The following WDPCP variants were observed in gnomAD, a reference collection of about 807,000 sequenced individuals.
WDPCP encodes the protein WD repeat-containing and planar cell polarity effector protein fritz homolog.
WDPCP carries 71 observed loss-of-function variants against 93.1 expected under a neutral mutation model. That is an observed-to-expected ratio of 0.76 (90% confidence interval 0.63 to 0.93). The LOEUF is 0.93. Among genes scored for constraint, WDPCP ranks in the 40% least tolerant of loss-of-function variants. The pLI is 0.00. For synonymous variants in WDPCP, 315 were observed against 315.0 expected, an observed-to-expected ratio of 1.00 and a Z score of 0.00; for missense variants, 844 against 887.4, an observed-to-expected ratio of 0.95 and a Z score of 0.62.
At chr2:63,570,721 T>C (rs1707425279) in intron 1 of WDPCP, among the ~76,000 whole-genome samples, 1 of 152,224 alleles carries the variant, frequency 6.6e-6, no homozygotes, top group Non-Finnish European at 1.5e-5. Context: ...TTTTGACAAA[T>C]ACTTTAATTT....
chr2:63,480,262 C>T lies in WDPCP; in HGVS notation c.384+4342G>A, dbSNP rs555712596. On this transcript the variant is annotated intron_variant, in intron 6 of 17. Transcript: ENST00000272321. Reference sequence around the variant, plus strand: ...TCACACAAACAAATGGAAATACATCCCATGCTCATGGATGGGTAGAATCAA... The same window carrying T: ...TCACACAAACAAATGGAAATACATCTCATGCTCATGGATGGGTAGAATCAA... Among the ~76,000 whole-genome samples the T allele has an allele frequency of 7.9e-5, 12 of 152,168 alleles. No homozygotes were observed. In the South Asian group the frequency reaches 2.5e-3, roughly 32 times the overall value.
intron 2 of WDPCP, chr2:63,752,362 T>G (rs1669896630): frequency 2.6e-6 from 2 of 775,800 alleles, no homozygotes; most frequent in Non-Finnish European, 4.6e-6. Context: ...GAGAACCTTC[T>G]CTTGAGATAG....
At chr2:63,766,677 A>G (rs1278156692) in intron 2 of WDPCP, among the ~76,000 whole-genome samples, 1 of 152,158 alleles carries the variant, frequency 6.6e-6, no homozygotes, top group African/African-American at 2.4e-5. Context: ...TACACCTGTG[A>G]AAACATCACC....
chr2:63,622,998 G>A (rs1382409280), intron 3 of WDPCP, among the ~76,000 whole-genome samples: 1 of 152,220 alleles, frequency 6.6e-6, no homozygotes, highest in African/African-American at 2.4e-5. Context: ...GCCATGAGTT[G>A]TCCGACCGCG....
chr2:63,608,140 T>C (rs1277660656), intron 3 of WDPCP, among the ~76,000 whole-genome samples: 1 of 152,160 alleles, frequency 6.6e-6, no homozygotes, highest in African/African-American at 2.4e-5. Context: ...TTGCAGATAA[T>C]ATTGTTAACA....
chr2:63,689,588 C>T (rs6722981), intron 2 of WDPCP, among the ~76,000 whole-genome samples: 62,538 of 151,878 alleles, frequency 0.41, 14,148 homozygotes, highest in African/African-American at 0.6. Flanking sequence ...AGGGATACTT[C>T]TAAGGGGTTG....
At chr2:63,422,353 C>G (rs1695930064) in intron 9 of WDPCP, among the ~76,000 whole-genome samples, 1 of 151,994 alleles carries the variant, frequency 6.6e-6, no homozygotes, top group South Asian at 2.1e-4. Flanking sequence ...AATTTAGGAC[C>G]CCATCAAATC....
In WDPCP at chr2:63,492,865, G is replaced by A. The variant is rs779689937; in HGVS notation, c.151C>T (p.His51Tyr). 3.2e-5 allele frequency: 51 copies of A among 1,613,382 alleles called. No individual in the cohort carries two copies. In the East Asian group the frequency reaches 1.1e-3, roughly 35 times the overall value. The change falls in exon 2 of 18, where the codon CAC (histidine) becomes TAC (tyrosine). Residue 51 changes from histidine (H) to tyrosine (Y), a missense_variant. Coordinates refer to ENST00000272321, the MANE Select transcript of WDPCP (RefSeq NM_015910.7). ...TCCAGAGCTCATTTACCCGCAATGT[G>A]TAAGGTATTCTTCAAAGACCACAGG... ...LHLWSLKNTLHIADRDIGIYQ... is the reference protein window; with the variant it reads ...LHLWSLKNTLYIADRDIGIYQ...
intron 9 of WDPCP, among the ~76,000 whole-genome samples, chr2:63,426,652 A>G (rs895391328): frequency 7.9e-5 from 12 of 152,192 alleles, no homozygotes; most frequent in African/African-American, 2.9e-4. Context: ...AAAGCAACTA[A>G]ACATCATCTA....
intron 6 of WDPCP, among the ~76,000 whole-genome samples, chr2:63,456,457 C>T (rs775616166): frequency 4.6e-5 from 7 of 151,852 alleles, no homozygotes; most frequent in Non-Finnish European, 1.0e-4. Context: ...TAAATAAATG[C>T]AAATGGAAAC....
intron 2 of WDPCP, among the ~76,000 whole-genome samples, chr2:63,720,022 C>T (rs945277203): frequency 1.3e-5 from 2 of 152,222 alleles, no homozygotes; most frequent in African/African-American, 4.8e-5. Flanking sequence ...GGGTAATTGA[C>T]CTTTTTCTTC....
Position 63,737,746 on chromosome 2 carries a change from C to T in WDPCP, n.308+75876G>A, listed in dbSNP as rs4146106. ...TTTACCACATACTATCTTTCTTCAT[C>T]TTAAAAAAGGAAATACAGAACTGAC... On this transcript the variant is annotated intron_variant and non_coding_transcript_variant, in intron 2 of 4. Coordinates refer to the WDPCP transcript ENST00000467687. Among the ~76,000 whole-genome samples, 1,738 of 152,230 alleles carry T rather than the reference C, an allele frequency of 0.011. 100 individuals carry two copies. In the East Asian group the frequency reaches 0.18, roughly 15 times the overall value.
intron 3 of WDPCP, among the ~76,000 whole-genome samples, chr2:63,596,175 A>T: frequency 6.6e-6 from 1 of 152,318 alleles, no homozygotes; most frequent in Non-Finnish European, 1.5e-5. Flanking sequence ...TAATTTAAAT[A>T]TTTTTCTTCA....
chr2:63,660,822 G>C (rs1710218113), intron 2 of WDPCP, among the ~76,000 whole-genome samples: 1 of 152,164 alleles, frequency 6.6e-6, no homozygotes, highest in Non-Finnish European at 1.5e-5. Flanking sequence ...AGATTTAGTA[G>C]TGGAGTTTAG....
At chr2:63,288,912 G>A (rs537477039) in intron 13 of WDPCP, among the ~76,000 whole-genome samples, 11 of 151,796 alleles carry the variant, frequency 7.2e-5, no homozygotes, top group African/African-American at 1.9e-4. Flanking sequence ...AGGTTCAATC[G>A]ATACTCCCCA....
chr2:63,597,673 A>G, intron 3 of WDPCP: 1 of 1,085,724 alleles, frequency 9.2e-7, no homozygotes, highest in South Asian at 4.0e-5. Context: ...CCTTTTTTCT[A>G]GTTCTGTACA....
intron 6 of WDPCP, among the ~76,000 whole-genome samples, chr2:63,480,172 C>G (rs902010761): frequency 6.6e-6 from 1 of 151,876 alleles, no homozygotes; most frequent in African/African-American, 2.4e-5. Flanking sequence ...AGATATATAC[C>G]TAACCAAGGA....
chr2:63,139,170 TACACAC>T (rs143596446), intron 17 of WDPCP, among the ~76,000 whole-genome samples: 81 of 149,304 alleles, frequency 5.4e-4, no homozygotes, highest in South Asian at 1.7e-3. Flanking sequence ...TATATGTGTA[TACACAC>T]ACACACACAC....
chr2:63,752,193 G>T, intron 2 of WDPCP: 2 of 662,260 alleles, frequency 3.0e-6, no homozygotes, highest in Admixed American at 2.1e-5. Context: ...TAAAGACAAA[G>T]CTCCTTTTTT....
Sources: allele counts gnomAD v4.1 joint callset (sites outside exome capture counted in the v4.1 genomes callset), GRCh38; gene constraint gnomAD v4.1.1; transcripts MANE v1.5; gene names NCBI Gene and HGNC (gene_info 2026-07-23, HGNC 2026-07-21).